The following PCDH15 variants were observed in gnomAD, a reference collection of about 807,000 sequenced individuals.
PCDH15 encodes protocadherin related 15.
Under a neutral mutation model 178.5 loss-of-function variants are expected in PCDH15, and 129 were observed. The ratio of observed to expected loss-of-function variants is 0.72; its 90% CI spans 0.63 to 0.84. The LOEUF is 0.84. Ranked by LOEUF, PCDH15 falls within the 40% of genes least tolerant of loss-of-function variation. PCDH15 has a pLI of 0.00. For synonymous variants in PCDH15, 800 were observed against 732.0 expected (o/e 1.09, Z -1.50); for missense variants, 2,230 against 2,099.9 (o/e 1.06, Z -1.21).
intron 3 of PCDH15, among the ~76,000 whole-genome samples, chr10:54,446,745 C>T (rs1225829907): frequency 6.6e-6 from 1 of 151,296 alleles, no homozygotes; most frequent in Admixed American, 6.6e-5. Flanking sequence ...TTTTTAGTGC[C>T]TGAGATTTAA....
At chr10:53,872,020 A>T (rs1447479366) in intron 26 of PCDH15, among the ~76,000 whole-genome samples, 33 of 151,930 alleles carry the variant, frequency 2.2e-4, no homozygotes, top group Non-Finnish European at 7.4e-5. Flanking sequence ...CTTCCCCCTC[A>T]TTTTTGAAGC....
At chr10:55,002,255 A>G (rs1839811502) in intron 2 of PCDH15, among the ~76,000 whole-genome samples, 1 of 152,184 alleles carries the variant, frequency 6.6e-6, no homozygotes, top group African/African-American at 2.4e-5. Context: ...TTAAAAGAAA[A>G]TATTGTGTGG....
At chr10:55,194,752 G>A (rs1321252977) in intron 1 of PCDH15, among the ~76,000 whole-genome samples, 1 of 151,540 alleles carries the variant, frequency 6.6e-6, no homozygotes, top group Non-Finnish European at 1.5e-5. Flanking sequence ...AAAATAATTA[G>A]CAATATAAGC....
intron 1 of PCDH15, among the ~76,000 whole-genome samples, chr10:54,750,098 CTCTT>C (rs945191161): frequency 2.0e-5 from 3 of 151,954 alleles, no homozygotes; most frequent in Non-Finnish European, 2.9e-5. Flanking sequence ...TGCTCTGTCT[CTCTT>C]TCTCTCTTTC....
At chr10:54,375,921 G>A (rs949241666) in intron 4 of PCDH15, among the ~76,000 whole-genome samples, 9 of 148,508 alleles carry the variant, frequency 6.1e-5, no homozygotes, top group African/African-American at 2.5e-5. Flanking sequence ...TTGAGACGGA[G>A]TCACACTCTG....
At chr10:54,454,744 C>G (rs2076710695) in intron 3 of PCDH15, among the ~76,000 whole-genome samples, 1 of 152,134 alleles carries the variant, frequency 6.6e-6, no homozygotes, top group Non-Finnish European at 1.5e-5. Flanking sequence ...AATACTGATA[C>G]ATTCACATAC....
chr10:54,728,295 T>G (rs1474910157), intron 1 of PCDH15, among the ~76,000 whole-genome samples: 3 of 151,206 alleles, frequency 2.0e-5, no homozygotes, highest in Non-Finnish European at 3.0e-5. Context: ...CACAATAAAA[T>G]GATTCAGCGA....
intron 2 of PCDH15, among the ~76,000 whole-genome samples, chr10:55,422,616 T>G (rs1838650653): frequency 6.6e-6 from 1 of 151,842 alleles, no homozygotes; most frequent in Admixed American, 6.6e-5. Context: ...TATTAGCAGT[T>G]TAGACTGTGA....
intron 2 of PCDH15, among the ~76,000 whole-genome samples, chr10:55,398,620 G>C (rs1331558452): frequency 6.6e-6 from 1 of 152,022 alleles, no homozygotes; most frequent in African/African-American, 2.4e-5. Context: ...AAAAGATATA[G>C]ACCCAGTCAT....
intron 2 of PCDH15, among the ~76,000 whole-genome samples, chr10:54,536,733 G>A (rs975104628): frequency 2.9e-5 from 4 of 136,512 alleles, no homozygotes; most frequent in African/African-American, 1.2e-4. Context: ...ACATATAAGT[G>A]AGAACATGAA....
chr10:54,064,759 G>A (rs753726739), intron 18 of PCDH15, among the ~76,000 whole-genome samples: 11 of 152,144 alleles, frequency 7.2e-5, no homozygotes, highest in African/African-American at 2.7e-4. Context: ...ATTGGAAGGG[G>A]TGCCAGGAGC....
chr10:54,734,236 A>G (rs11004521), intron 1 of PCDH15, among the ~76,000 whole-genome samples: 18,505 of 151,860 alleles, frequency 0.12, 1,261 homozygotes, highest in African/African-American at 0.17. Context: ...AATAAGGAAA[A>G]TATGTGGGCA....
chr10:54,212,698 T>C (rs959319203), intron 10 of PCDH15, among the ~76,000 whole-genome samples: 1 of 152,284 alleles, frequency 6.6e-6, no homozygotes. Flanking sequence ...CTTTCTAGAC[T>C]ATAAGTTTTT....
intron 21 of PCDH15, among the ~76,000 whole-genome samples, chr10:53,990,888 C>T (rs2926406): frequency 0.096 from 14,520 of 152,000 alleles, 1,212 homozygotes; most frequent in African/African-American, 0.22. Flanking sequence ...GTGGGCTTGG[C>T]GGGCCCCACA....
intron 1 of PCDH15, among the ~76,000 whole-genome samples, chr10:55,250,847 T>C (rs1841819046): frequency 6.6e-6 from 1 of 152,092 alleles, no homozygotes; most frequent in South Asian, 2.1e-4. Context: ...TAAATTCTTA[T>C]TGGTACTATT....
chr10:54,893,795 G>T (rs1019725169), intron 3 of PCDH15, among the ~76,000 whole-genome samples: 10 of 151,764 alleles, frequency 6.6e-5, no homozygotes, highest in African/African-American at 2.2e-4. Context: ...TTATTTACAC[G>T]ACAGCTCTAA....
rs372567913 is a variant in PCDH15 at position 54,036,581 on chromosome 10, G to GA, written c.2221-13385dup. Among the ~76,000 whole-genome samples the GA allele has an allele frequency of 1.5e-3, 213 of 146,238 alleles. 2 individuals carry two copies. Among genetic ancestry groups the GA allele is most frequent in the African/African-American group, 4.0e-3 (158 of 39,974 alleles). On this transcript the variant is annotated intron_variant, in intron 18 of 37. Coordinates refer to ENST00000644397, the MANE Select transcript of PCDH15 (RefSeq NM_001384140.1). ...CCCATGGTTGAGTCCTACTGCTCAG[G>GA]AAAAAAAAAAGACTTCTTTCTAAAC...
rs150094895 is a variant in PCDH15, at chr10:55,441,086, T to C, written c.-156+186539A>G. Among the ~76,000 whole-genome samples the C allele has an allele frequency of 3.9e-5, 6 of 152,302 alleles. No homozygotes were observed. In the South Asian group the frequency reaches 6.2e-4, roughly 16 times the overall value. On this transcript the variant is annotated intron_variant, in intron 2 of 5. Coordinates refer to the PCDH15 transcript ENST00000613346. The stretch of plus-strand genomic sequence containing the variant: ...GACACAGCCAAACCATATCAGGGCA[T>C]AAAACATTACTCTAAGAATGTAATT...
rs544047108 is a variant in PCDH15, at chr10:54,713,434, T to C, written c.-28-49144A>G. Reference sequence around the variant, plus strand: ...TTGGAGAACAATATTCTACCTTTCATAGTAGCACCGTAGTGTTGTTCAAAT... The same window carrying C: ...TTGGAGAACAATATTCTACCTTTCACAGTAGCACCGTAGTGTTGTTCAAAT... On this transcript the variant is annotated intron_variant, in intron 1 of 37. Transcript: ENST00000644397. Among the ~76,000 whole-genome samples, 6 of 152,234 alleles carry C rather than the reference T, an allele frequency of 3.9e-5. No individual in the cohort carries two copies. The South Asian group carries it at 1.0e-3, about 26-fold the overall frequency.
Sources: allele counts gnomAD v4.1 joint callset (sites outside exome capture counted in the v4.1 genomes callset), GRCh38; gene constraint gnomAD v4.1.1; transcripts MANE v1.5; gene names NCBI Gene and HGNC (gene_info 2026-07-23, HGNC 2026-07-21).